Variants in PAM observed in about 807,000 individuals in gnomAD.
PAM encodes peptidyl-glycine alpha-amidating monooxygenase.
Under a neutral mutation model 122.1 loss-of-function variants are expected in PAM, and 72 were observed. The ratio of observed to expected loss-of-function variants is 0.59; its 90% CI spans 0.49 to 0.72. PAM has a LOEUF of 0.72. Ranked by LOEUF, PAM falls within the 30% of genes least tolerant of loss-of-function variation. The pLI is 0.00. For synonymous variants in PAM, 389 were observed against 404.4 expected (o/e 0.96, Z 0.46); for missense variants, 1,106 against 1,183.7 (o/e 0.93, Z 0.96).
chr5:102,947,573 C>T (rs1264453890), intron 8 of PAM, among the ~76,000 whole-genome samples: 2 of 152,048 alleles, frequency 1.3e-5, no homozygotes, highest in African/African-American at 2.4e-5. Context: ...TAATTGAGTT[C>T]AGTGTATACT....
intron 1 of PAM, among the ~76,000 whole-genome samples, chr5:102,825,392 A>T (rs1158196355): frequency 6.6e-6 from 1 of 152,226 alleles, no homozygotes; most frequent in Non-Finnish European, 1.5e-5. Flanking sequence ...ATAGCCCAGG[A>T]GAATAAACTC....
At chr5:102,841,912 A>G (rs1778741420) in intron 1 of PAM, among the ~76,000 whole-genome samples, 1 of 152,176 alleles carries the variant, frequency 6.6e-6, no homozygotes, top group African/African-American at 2.4e-5. Context: ...AAACATCTGA[A>G]AAATATGCCT....
chr5:102,802,328 T>C (rs1765003360), intron 1 of PAM, among the ~76,000 whole-genome samples: 1 of 152,150 alleles, frequency 6.6e-6, no homozygotes, highest in Non-Finnish European at 1.5e-5. Context: ...TTGGGGAAAA[T>C]ATTAAAGTTA....
intron 1 of PAM, among the ~76,000 whole-genome samples, chr5:102,774,686 ATG>A (rs1756698231): frequency 6.6e-6 from 1 of 152,008 alleles, no homozygotes; most frequent in Non-Finnish European, 1.5e-5. Context: ...CTGTATTCAT[ATG>A]TGTTATTTGT....
In PAM at chr5:102,799,061, C is replaced by G. The variant is rs115019172; in HGVS notation, c.-374+43713C>G. 2.1e-3 allele frequency among the ~76,000 whole-genome samples: 327 copies of G among 152,276 alleles called. 1 individual carries two copies. The highest frequency in any genetic ancestry group is 7.5e-3 in the African/African-American group (312 of 41,560). On this transcript the variant is annotated intron_variant, in intron 1 of 25. Coordinates refer to ENST00000438793, the MANE Select transcript of PAM (RefSeq NM_001177306.2). ...AAATGTGTGTGTTTGTTTTTAAAAG[C>G]AGCTAGGTAAGAAACCATCAACTGA...
At chr5:102,755,488 G>C (rs1300883902) in intron 1 of PAM, 140 bp downstream of exon 1, 1 of 147,358 alleles carries the variant, frequency 6.8e-6, no homozygotes, top group Non-Finnish European at 1.5e-5. Context: ...TTTTTCTCCC[G>C]GGCTGCCCGG....
chr5:102,990,455 A>T (rs1773712828), intron 16 of PAM, 54 bp downstream of exon 16: 3 of 1,344,662 alleles, frequency 2.2e-6, no homozygotes, highest in East Asian at 2.4e-5. Flanking sequence ...AGTGTACATA[A>T]TTTTTTCACT....
chr5:102,763,497 A>G (rs1044140961), intron 1 of PAM, among the ~76,000 whole-genome samples: 4 of 152,076 alleles, frequency 2.6e-5, no homozygotes, highest in Non-Finnish European at 5.9e-5. Context: ...ACACGACAGC[A>G]ACAACAACAA....
intron 1 of PAM, among the ~76,000 whole-genome samples, chr5:102,769,885 G>A (rs1160148562): frequency 1.3e-5 from 2 of 151,966 alleles, no homozygotes; most frequent in Non-Finnish European, 2.9e-5. Context: ...TCACTTCTAT[G>A]GAGAATTTCA....
chr5:102,822,857 A>C (rs1304736243), intron 1 of PAM, among the ~76,000 whole-genome samples: 1 of 151,714 alleles, frequency 6.6e-6, no homozygotes, highest in Non-Finnish European at 1.5e-5. Flanking sequence ...CCTGGCACAC[A>C]CTCACCTTGA....
intron 1 of PAM, among the ~76,000 whole-genome samples, chr5:102,851,338 G>A (rs1477285265): frequency 6.6e-6 from 1 of 152,082 alleles, no homozygotes; most frequent in East Asian, 1.9e-4. Context: ...TATCCTTGGA[G>A]GATAATTGGA....
chr5:102,994,251 A>G (rs1348053712), intron 16 of PAM, among the ~76,000 whole-genome samples: 3 of 152,122 alleles, frequency 2.0e-5, no homozygotes, highest in Admixed American at 6.6e-5. Flanking sequence ...TATGGGACCC[A>G]TCTAGATGTT....
chr5:102,938,001 C>T (rs984210045), intron 7 of PAM, among the ~76,000 whole-genome samples: 1 of 151,944 alleles, frequency 6.6e-6, no homozygotes, highest in African/African-American at 2.4e-5. Context: ...ATTTCTAAAT[C>T]AGGTTGCTTG....
intron 21 of PAM, among the ~76,000 whole-genome samples, chr5:103,016,274 C>T (rs1251959358): frequency 6.6e-6 from 1 of 152,214 alleles, no homozygotes; most frequent in Non-Finnish European, 1.5e-5. Context: ...ATGTATTCTT[C>T]TGCCCCGCCT....
At position 102,999,195 on chromosome 5, in the gene PAM, A is replaced by G. The variant is rs530983101; in HGVS notation, c.1614-3838A>G. On this transcript the variant is annotated intron_variant, in intron 16 of 25. Transcript: ENST00000438793. ...CTCCCAAATGGGAGAATTCAGCCAA[A>G]ATGAAGAGGCTACAGGCCCCATCCA... 8.5e-5 allele frequency among the ~76,000 whole-genome samples: 13 copies of G among 152,328 alleles called. No homozygotes were observed. The East Asian group carries it at 1.5e-3, about 18-fold the overall frequency.
intron 1 of PAM, among the ~76,000 whole-genome samples, chr5:102,796,349 A>G (rs995520676): frequency 5.3e-5 from 8 of 152,182 alleles, no homozygotes; most frequent in Non-Finnish European, 7.3e-5. Flanking sequence ...GGAATCTGAC[A>G]TGGTACCAAA....
At chr5:102,896,463 A>T (rs1321018064) in intron 3 of PAM, among the ~76,000 whole-genome samples, 1 of 151,744 alleles carries the variant, frequency 6.6e-6, no homozygotes, top group Admixed American at 6.6e-5. Context: ...GAAGTAGATA[A>T]GTGCAAAATT....
chr5:102,963,202 A>G (rs1763031948), intron 14 of PAM, among the ~76,000 whole-genome samples: 1 of 151,882 alleles, frequency 6.6e-6, no homozygotes, highest in Non-Finnish European at 1.5e-5. Flanking sequence ...ACCAGCCTAG[A>G]ATTAAAAGAG....
intron 1 of PAM, among the ~76,000 whole-genome samples, chr5:102,843,542 A>G (rs1779204188): frequency 6.6e-6 from 1 of 152,224 alleles, no homozygotes; most frequent in Non-Finnish European, 1.5e-5. Flanking sequence ...TCTTCTCTGT[A>G]AGATCCCTTG....
Sources: gnomAD v4.1 joint callset for allele counts (sites outside exome capture counted in the v4.1 genomes callset) on GRCh38, gnomAD v4.1.1 for gene constraint, MANE v1.5 for transcripts, NCBI Gene and HGNC (gene_info 2026-07-23, HGNC 2026-07-21) for gene names.